B3GALT1: variants seen among roughly 807,000 people sequenced by gnomAD.
B3GALT1 encodes beta-1,3-galactosyltransferase 1.
In B3GALT1, 10 loss-of-function variants were observed where a neutral mutation model predicts 23.2. That is an observed-to-expected ratio of 0.43 (90% confidence interval 0.27 to 0.73). The LOEUF (loss-of-function observed/expected upper bound fraction) is 0.73. Ranked by LOEUF, B3GALT1 falls within the 30% of genes least tolerant of loss-of-function variation. B3GALT1 has a pLI of 0.21. For missense variants in B3GALT1, 299 were observed against 405.4 expected, an observed-to-expected ratio of 0.74 and a Z score of 2.25; for synonymous variants, 156 against 141.5, an observed-to-expected ratio of 1.10 and a Z score of -0.73.
chr2:167,693,660 T>G (rs1273118759), intron 3 of B3GALT1, among the ~76,000 whole-genome samples: 2 of 152,172 alleles, frequency 1.3e-5, no homozygotes, highest in Non-Finnish European at 2.9e-5. Context: ...CTTTGCTAAT[T>G]GACACTATGG....
chr2:167,313,699 G>C (rs1159618152), intron 1 of B3GALT1, among the ~76,000 whole-genome samples: 5 of 152,102 alleles, frequency 3.3e-5, no homozygotes, highest in Non-Finnish European at 7.4e-5. Flanking sequence ...TCAGTGCAAG[G>C]TGGTCTCTGG....
chr2:167,461,226 A>G (rs776567401), intron 1 of B3GALT1, among the ~76,000 whole-genome samples: 1 of 152,252 alleles, frequency 6.6e-6, no homozygotes, highest in Non-Finnish European at 1.5e-5. Context: ...TCAAGAACAC[A>G]TGCATAGTTG....
intron 2 of B3GALT1, among the ~76,000 whole-genome samples, chr2:167,564,151 C>A: frequency 1.3e-5 from 2 of 149,542 alleles, no homozygotes; most frequent in Non-Finnish European, 3.0e-5. Flanking sequence ...TCAGACGGGG[C>A]GGTTGCCAGG....
At chr2:167,405,381 T>C (rs1574066135) in intron 1 of B3GALT1, among the ~76,000 whole-genome samples, 2 of 152,230 alleles carry the variant, frequency 1.3e-5, no homozygotes, top group Middle Eastern at 6.8e-3. Flanking sequence ...ATATTGAACT[T>C]CCATGTGTTG....
At chr2:167,728,182 G>T (rs2105262852) in intron 3 of B3GALT1, among the ~76,000 whole-genome samples, 1 of 152,314 alleles carries the variant, frequency 6.6e-6, no homozygotes, top group Admixed American at 6.5e-5. Context: ...GAGGTCAGGA[G>T]TTTGAGACCA....
intron 2 of B3GALT1, among the ~76,000 whole-genome samples, chr2:167,581,517 G>T (rs1199326039): frequency 6.6e-6 from 1 of 152,174 alleles, no homozygotes; most frequent in Non-Finnish European, 1.5e-5. Context: ...TGGGTTGCCT[G>T]TTGCTTTAAA....
intron 1 of B3GALT1, among the ~76,000 whole-genome samples, chr2:167,352,372 G>C (rs1697326103): frequency 6.6e-6 from 1 of 150,692 alleles, no homozygotes; most frequent in Non-Finnish European, 1.5e-5. Context: ...ATTTGACATA[G>C]ACCTGTCGAT....
At chr2:167,423,459 G>A (rs781171665) in intron 1 of B3GALT1, among the ~76,000 whole-genome samples, 1 of 152,082 alleles carries the variant, frequency 6.6e-6, no homozygotes, top group South Asian at 2.1e-4. Context: ...CACCAGGACC[G>A]ATCTATGCAA....
intron 1 of B3GALT1, among the ~76,000 whole-genome samples, chr2:167,374,490 T>G (rs1399556023): frequency 1.3e-5 from 2 of 152,162 alleles, no homozygotes; most frequent in Non-Finnish European, 2.9e-5. Flanking sequence ...ACAGTGTATA[T>G]GCATTCCCTT....
At chr2:167,694,206 A>G (rs887844964) in intron 3 of B3GALT1, among the ~76,000 whole-genome samples, 2 of 152,142 alleles carry the variant, frequency 1.3e-5, no homozygotes, top group Non-Finnish European at 2.9e-5. Context: ...GTAGGGATAT[A>G]AACACTTGGT....
chr2:167,380,506 A>G (rs906495976), intron 1 of B3GALT1, among the ~76,000 whole-genome samples: 5 of 151,764 alleles, frequency 3.3e-5, no homozygotes, highest in Admixed American at 1.3e-4. Flanking sequence ...CCCCTATTCC[A>G]CTCCAGAGAA....
intron 2 of B3GALT1, among the ~76,000 whole-genome samples, chr2:167,556,750 C>T (rs1683860085): frequency 6.6e-6 from 1 of 152,142 alleles, no homozygotes; most frequent in African/African-American, 2.4e-5. Flanking sequence ...TTCACTGCAA[C>T]TTCATAGAGG....
intron 1 of B3GALT1, among the ~76,000 whole-genome samples, chr2:167,382,043 T>C (rs1697853866): frequency 6.6e-6 from 1 of 152,196 alleles, no homozygotes; most frequent in Admixed American, 6.5e-5. Flanking sequence ...GATTGTACAA[T>C]AGAAATAAGT....
intron 3 of B3GALT1, among the ~76,000 whole-genome samples, chr2:167,769,271 C>T (rs1356441848): frequency 6.6e-6 from 1 of 152,140 alleles, no homozygotes; most frequent in African/African-American, 2.4e-5. Context: ...TAGTGTGCTG[C>T]AAGAAATATG....
intron 4 of B3GALT1, among the ~76,000 whole-genome samples, chr2:167,821,865 T>C (rs1689114544): frequency 6.6e-6 from 1 of 152,254 alleles, no homozygotes; most frequent in African/African-American, 2.4e-5. Flanking sequence ...TGTACAGTTC[T>C]TAAAGTCTTA....
At chr2:167,762,583 A>T (rs1198151816) in intron 3 of B3GALT1, among the ~76,000 whole-genome samples, 3 of 151,524 alleles carry the variant, frequency 2.0e-5, no homozygotes, top group East Asian at 1.9e-4. Flanking sequence ...CCAAAAATAA[A>T]AAAAAAAAAA....
chr2:167,720,848 G>A (rs1470710901), intron 3 of B3GALT1, among the ~76,000 whole-genome samples: 1 of 152,174 alleles, frequency 6.6e-6, no homozygotes, highest in African/African-American at 2.4e-5. Flanking sequence ...TGACTGGCAT[G>A]TTTCTGCCTT....
chr2:167,759,629 G>A (rs1341054020), intron 3 of B3GALT1, among the ~76,000 whole-genome samples: 1 of 152,182 alleles, frequency 6.6e-6, no homozygotes, highest in East Asian at 1.9e-4. Context: ...GAGCAAGCCG[G>A]TAATTGGCAG....
chr2:167,581,681 A>G (rs1684485606), intron 2 of B3GALT1, among the ~76,000 whole-genome samples: 1 of 152,244 alleles, frequency 6.6e-6, no homozygotes, highest in South Asian at 2.1e-4. Context: ...AGAGAACTGT[A>G]TTGCAAGACC....
Sources: gnomAD v4.1 joint callset for allele counts (sites outside exome capture counted in the v4.1 genomes callset) on GRCh38, gnomAD v4.1.1 for gene constraint, MANE v1.5 for transcripts, NCBI Gene and HGNC (gene_info 2026-07-23, HGNC 2026-07-21) for gene names.